Variants in MSRA observed in about 807,000 individuals in gnomAD.
MSRA encodes mitochondrial peptide methionine sulfoxide reductase.
MSRA carries 54 observed loss-of-function variants against 31.3 expected under a neutral mutation model. The ratio of observed to expected loss-of-function variants is 1.73; its 90% CI spans 1.39 to 2.17. The LOEUF (loss-of-function observed/expected upper bound fraction) is 2.17, where lower values mean the gene tolerates loss of function less well. MSRA is among the 30% of genes most tolerant of loss of function. MSRA has a pLI of 0.00. For missense variants in MSRA, 507 were observed against 300.9 expected, an observed-to-expected ratio of 1.69 and a Z score of -5.07; for synonymous variants, 169 against 116.5, an observed-to-expected ratio of 1.45 and a Z score of -2.90.
intron 1 of MSRA, among the ~76,000 whole-genome samples, chr8:10,185,276 A>T: frequency 6.6e-6 from 1 of 152,222 alleles, no homozygotes; most frequent in East Asian, 1.9e-4. Flanking sequence ...AGAATTCATT[A>T]TAAATTACTC....
intron 5 of MSRA, among the ~76,000 whole-genome samples, chr8:10,424,159 G>A (rs1444618425): frequency 6.6e-5 from 10 of 152,360 alleles, no homozygotes; most frequent in African/African-American, 1.9e-4. Flanking sequence ...GAGATGGATA[G>A]GAGTTCCTGC....
At chr8:10,343,250 T>C (rs1176134286) in intron 5 of MSRA, among the ~76,000 whole-genome samples, 8 of 152,164 alleles carry the variant, frequency 5.3e-5, no homozygotes, top group African/African-American at 1.9e-4. Context: ...GAATCCATGG[T>C]GAGAACACCG....
rs542943613 is a variant in MSRA, at chr8:10,335,592, G to T, written c.543+15603G>T. 2.0e-5 allele frequency among the ~76,000 whole-genome samples: 3 copies of T among 152,284 alleles called. No homozygotes were observed. The South Asian group carries it at 6.2e-4, about 32-fold the overall frequency. On this transcript the variant is annotated intron_variant, in intron 5 of 5. Coordinates refer to ENST00000317173, the MANE Select transcript of MSRA (RefSeq NM_012331.5). The stretch of plus-strand genomic sequence containing the variant: ...ACCCCGGCGCCTGATCTTGTACCTG[G>T]TCAAACAGGTGTGGAGAAGTCTTGG...
At chr8:10,296,479 A>G (rs1800549098) in intron 3 of MSRA, among the ~76,000 whole-genome samples, 1 of 152,210 alleles carries the variant, frequency 6.6e-6, no homozygotes, top group Non-Finnish European at 1.5e-5. Context: ...AAAAAGTAGG[A>G]CACCCGGGAT....
intron 2 of MSRA, among the ~76,000 whole-genome samples, chr8:10,209,103 A>G (rs994345446): frequency 2.6e-5 from 4 of 152,356 alleles, no homozygotes; most frequent in South Asian, 2.1e-4. Flanking sequence ...GTGATGAGAA[A>G]TCATTATGCC....
chr8:10,141,906 C>A (rs189907757), intron 1 of MSRA, among the ~76,000 whole-genome samples: 5 of 152,298 alleles, frequency 3.3e-5, no homozygotes, highest in Non-Finnish European at 7.4e-5. Context: ...ATGACTGGAT[C>A]ACGAGATTTA....
At chr8:10,131,380 A>G (rs1258565857) in intron 1 of MSRA, among the ~76,000 whole-genome samples, 1 of 152,254 alleles carries the variant, frequency 6.6e-6, no homozygotes, top group Non-Finnish European at 1.5e-5. Flanking sequence ...AACTATTTTC[A>G]AGGATATGTA....
chr8:10,137,359 T>C (rs1425852907), intron 1 of MSRA, among the ~76,000 whole-genome samples: 2 of 152,208 alleles, frequency 1.3e-5, no homozygotes, highest in African/African-American at 4.8e-5. Context: ...ACGGCCATCA[T>C]CTGAAAGGTT....
chr8:10,293,137 A>G (rs546830472), intron 3 of MSRA, among the ~76,000 whole-genome samples: 131 of 152,286 alleles, frequency 8.6e-4, no homozygotes, highest in African/African-American at 3.1e-3. Context: ...CAATGCTGAC[A>G]TGAGTCTATG....
chr8:10,364,757 C>T (rs574480792), intron 5 of MSRA, among the ~76,000 whole-genome samples: 15 of 152,276 alleles, frequency 9.9e-5, no homozygotes, highest in African/African-American at 3.4e-4. Flanking sequence ...CCAGATATCA[C>T]GTGTACTGTC....
At chr8:10,400,247 T>G (rs1585686422) in intron 5 of MSRA, among the ~76,000 whole-genome samples, 4 of 146,464 alleles carry the variant, frequency 2.7e-5, no homozygotes, top group African/African-American at 7.6e-5. Context: ...GGGCTAAGAG[T>G]GGGAAATGAT....
chr8:10,265,996 G>T (rs993292823), intron 3 of MSRA, among the ~76,000 whole-genome samples: 2 of 152,206 alleles, frequency 1.3e-5, no homozygotes, highest in Non-Finnish European at 2.9e-5. Context: ...TTTCCCTGCT[G>T]ATGAACAGTC....
At chr8:10,221,801 A>C (rs1458737186) in intron 2 of MSRA, among the ~76,000 whole-genome samples, 1 of 152,168 alleles carries the variant, frequency 6.6e-6, no homozygotes, top group Admixed American at 6.6e-5. Flanking sequence ...CAGAGAAGTC[A>C]TGAAGGAAAA....
chr8:10,425,736 A>G (rs1809116722), intron 5 of MSRA, among the ~76,000 whole-genome samples: 1 of 152,252 alleles, frequency 6.6e-6, no homozygotes. Context: ...TCCTCTGAGG[A>G]CGATCACACC....
intron 2 of MSRA, among the ~76,000 whole-genome samples, chr8:10,215,735 C>T (rs142749914): frequency 4.7e-4 from 72 of 152,308 alleles, no homozygotes; most frequent in African/African-American, 1.7e-3. Flanking sequence ...ACAGAGCTCT[C>T]AGAAAATACT....
intron 2 of MSRA, among the ~76,000 whole-genome samples, chr8:10,218,364 C>CT (rs1165060809): frequency 5.3e-5 from 8 of 151,958 alleles, no homozygotes; most frequent in Non-Finnish European, 1.2e-4. Context: ...AGGCTGGTGT[C>CT]TAACTCCTGA....
chr8:10,156,919 A>G (rs769344107), intron 1 of MSRA, among the ~76,000 whole-genome samples: 3 of 150,640 alleles, frequency 2.0e-5, no homozygotes, highest in Admixed American at 6.7e-5. Context: ...GGGAGCGCAT[A>G]ACAATACCTG....
At chr8:10,152,443 G>C (rs777303144) in intron 1 of MSRA, among the ~76,000 whole-genome samples, 1 of 152,018 alleles carries the variant, frequency 6.6e-6, no homozygotes, top group Admixed American at 6.6e-5. Context: ...TTGTGTCCTG[G>C]GCAGGAAGAT....
intron 3 of MSRA, among the ~76,000 whole-genome samples, chr8:10,278,754 G>C (rs1799459851): frequency 6.6e-6 from 1 of 152,202 alleles, no homozygotes; most frequent in South Asian, 2.1e-4. Flanking sequence ...GAAATGGTTA[G>C]TATTTGTGAG....
Sources: gnomAD v4.1 joint callset for allele counts (sites outside exome capture counted in the v4.1 genomes callset) on GRCh38, gnomAD v4.1.1 for gene constraint, MANE v1.5 for transcripts, NCBI Gene and HGNC (gene_info 2026-07-23, HGNC 2026-07-21) for gene names.